Variants in FYTTD1 observed in about 807,000 individuals in gnomAD.
FYTTD1 encodes UAP56-interacting factor.
A neutral mutation model predicts 40.9 loss-of-function variants in FYTTD1; 22 were observed. The observed-to-expected ratio is 0.54, with a 90% CI of 0.38 to 0.77. The LOEUF (loss-of-function observed/expected upper bound fraction) is 0.77. Among genes scored for constraint, FYTTD1 ranks in the 30% least tolerant of loss-of-function variants. FYTTD1 has a pLI of 0.00. For synonymous variants in FYTTD1, 140 were observed against 137.9 expected (o/e 1.01, Z -0.10); for missense variants, 351 against 392.2 (o/e 0.90, Z 0.89).
chr3:197,771,508 G>A (rs1273514377), intron 4 of FYTTD1, among the ~76,000 whole-genome samples: 1 of 152,110 alleles, frequency 6.6e-6, no homozygotes, highest in South Asian at 2.1e-4. Context: ...CGGGTGCGGT[G>A]GCTCACGCCT....
upstream of FYTTD1, chr3:197,749,563 T>A (rs1728915657): frequency 7.7e-7 from 1 of 1,291,706 alleles, no homozygotes; most frequent in East Asian, 5.5e-5. Flanking sequence ...GAAAGGCTCG[T>A]GTGTACCGAA....
chr3:197,768,316 AAACAT>A (rs1261914089), intron 2 of FYTTD1, 118 bp from the exon 3 acceptor site: 2 of 666,372 alleles, frequency 3.0e-6, no homozygotes, highest in Non-Finnish European at 4.6e-6. Flanking sequence ...GTAATTTAAA[AAACAT>A]AAATAATAAC....
intron 1 of FYTTD1, among the ~76,000 whole-genome samples, chr3:197,751,073 T>C (rs555410989): frequency 1.3e-5 from 2 of 152,218 alleles, no homozygotes; most frequent in Admixed American, 1.3e-4. Context: ...AGTACCTGAC[T>C]AGTGGATTCC....
intron 2 of FYTTD1, among the ~76,000 whole-genome samples, chr3:197,764,952 C>T (rs774497640): frequency 4.6e-5 from 7 of 151,242 alleles, no homozygotes; most frequent in East Asian, 2.0e-4. Flanking sequence ...CCAGGTCAAG[C>T]GATTCTCATG....
At chr3:197,750,443 A>G in intron 1 of FYTTD1, 2 of 1,001,572 alleles carry the variant, frequency 2.0e-6, no homozygotes, top group South Asian at 4.7e-5. Context: ...GTTTCCCCGG[A>G]GCGCGTTCGC....
Position 197,771,771 on chromosome 3 carries a change from C to T in FYTTD1, c.497+1527C>T, listed in dbSNP as rs1268547923. ...CAGCCTGGGCGACAGAGCGAGACTCCGTCTCAAAAAAAAAAAAAAAAAAAA... is the reference window on the plus strand; with the variant it reads ...CAGCCTGGGCGACAGAGCGAGACTCTGTCTCAAAAAAAAAAAAAAAAAAAA... On this transcript the variant is annotated intron_variant, in intron 4 of 8. Transcript: ENST00000241502. Among the ~76,000 whole-genome samples, 8 of 60,966 alleles carry T rather than the reference C, an allele frequency of 1.3e-4. No homozygotes were observed. In the East Asian group the frequency reaches 1.7e-3, roughly 13 times the overall value. The allele number at this position is 60,966 out of a possible 152,430, so 40.0% of individuals were successfully genotyped here. A position where few individuals can be genotyped will look rare whatever the true frequency, so the allele number is the denominator to read the frequency against.
At chr3:197,770,409 G>A (rs1729683667) in intron 4 of FYTTD1, among the ~76,000 whole-genome samples, 165 bp downstream of exon 4, 1 of 152,206 alleles carries the variant, frequency 6.6e-6, no homozygotes, top group Non-Finnish European at 1.5e-5. Flanking sequence ...TCCAGTAATA[G>A]CTTGTTTATT....
intron 2 of FYTTD1, among the ~76,000 whole-genome samples, chr3:197,760,440 G>A (rs780338551): frequency 7.2e-5 from 11 of 151,916 alleles, no homozygotes; most frequent in African/African-American, 2.7e-4. Flanking sequence ...GGGGTAGAAT[G>A]TATGAGTTCT....
At chr3:197,758,800 G>C (rs1389971203) in intron 2 of FYTTD1, among the ~76,000 whole-genome samples, 5 of 152,218 alleles carry the variant, frequency 3.3e-5, no homozygotes, top group Admixed American at 3.3e-4. Flanking sequence ...AAAAAGTTCA[G>C]ATTTCCACGT....
intron 8 of FYTTD1, among the ~76,000 whole-genome samples, chr3:197,779,794 A>AACACCACCACACCTGGGTATGCAGGCAC (rs1560501698): frequency 4.0e-4 from 50 of 124,934 alleles, no homozygotes; most frequent in Non-Finnish European, 7.3e-4. Flanking sequence ...GATACAGGCA[A>AACACCACCACACCTGGGTATGCAGGCAC]ACACCACCAC....
chr3:197,756,514 GCAATTC>G lies in FYTTD1; in HGVS notation c.193_198del (p.Gln65_Phe66del). 2 of 1,613,642 alleles carry G rather than the reference GCAATTC, an allele frequency of 1.2e-6. No homozygotes were observed. Among genetic ancestry groups the G allele is most frequent in the Non-Finnish European group, 1.7e-6 (2 of 1,179,546 alleles). Reference sequence around the variant, plus strand: ...GACTCCTCCAGCAAAGTGGTGCCCAGCAATTCAGGATGAGAGTGCGATGGGGAATCC... The same window carrying G: ...GACTCCTCCAGCAAAGTGGTGCCCAGAGGATGAGAGTGCGATGGGGAATCC... On this transcript the variant is annotated inframe_deletion, in exon 2 of 9. Coordinates refer to ENST00000241502, the MANE Select transcript of FYTTD1 (RefSeq NM_032288.7).
At chr3:197,750,383 A>G in intron 1 of FYTTD1, 2 of 1,091,480 alleles carry the variant, frequency 1.8e-6, no homozygotes, top group Non-Finnish European at 2.2e-6. Flanking sequence ...TTCTCCCCGG[A>G]GGGGCTACGG....
intron 2 of FYTTD1, among the ~76,000 whole-genome samples, chr3:197,759,822 C>T (rs1729321401): frequency 6.6e-6 from 1 of 151,054 alleles, no homozygotes; most frequent in Admixed American, 6.6e-5. Context: ...TAGAGTTGTT[C>T]TTCAGTGGTA....
intron 8 of FYTTD1, among the ~76,000 whole-genome samples, chr3:197,781,089 G>A (rs1215640897): frequency 6.6e-6 from 1 of 151,784 alleles, no homozygotes; most frequent in Non-Finnish European, 1.5e-5. Context: ...CGACACAGGT[G>A]GATCACTTGG....
chr3:197,749,720 C>A (rs897627125), upstream of FYTTD1: 1 of 623,096 alleles, frequency 1.6e-6, no homozygotes, highest in African/African-American at 1.8e-5. Flanking sequence ...TCCTCGCGAG[C>A]GCCTAGCACA....
intron 2 of FYTTD1, among the ~76,000 whole-genome samples, chr3:197,762,736 G>T (rs1163721283): frequency 6.6e-6 from 1 of 151,886 alleles, no homozygotes; most frequent in Non-Finnish European, 1.5e-5. Flanking sequence ...CAAAAAATTA[G>T]CTGGGCGTGG....
rs375111528 is a variant in FYTTD1 at position 197,786,096 on chromosome 3, CTTTTTCTTTTTTTT to C, written c.*4202_*4215del. The stretch of plus-strand genomic sequence containing the variant: ...CTCACCACAGTTTATTTTCTTTTTT[CTTTTTCTTTTTTTT>C]TTTTTCTTTTTTTTCTTTTTTTGAG... On this transcript the variant is annotated 3_prime_UTR_variant, in exon 9 of 9. Coordinates refer to ENST00000241502, the MANE Select transcript of FYTTD1 (RefSeq NM_032288.7). 3,485 of 146,746 alleles carry C rather than the reference CTTTTTCTTTTTTTT, an allele frequency of 0.024. 72 individuals carry two copies. Among genetic ancestry groups the C allele is most frequent in the Non-Finnish European group, 0.037 (2,458 of 66,440 alleles). 9.1% of individuals were successfully genotyped at this position (146,746 alleles called of 1,614,324 possible).
chr3:197,768,437 A>C lies in FYTTD1; in HGVS notation c.236-2A>C. On this transcript the variant is annotated splice_acceptor_variant, in intron 2 of 8. Coordinates refer to ENST00000241502, the MANE Select transcript of FYTTD1 (RefSeq NM_032288.7). LOFTEE classifies it high-confidence loss of function. ...TTTTCTTCTGTTTTTGCCCTCCTAT[A>C]GGTTTTGGTAAGACTAGTCTGAATC... 2 of 1,597,632 alleles carry C rather than the reference A, an allele frequency of 1.3e-6. No individual in the cohort carries two copies. The highest frequency in any genetic ancestry group is 1.7e-6 in the Non-Finnish European group (2 of 1,170,136).
intron 1 of FYTTD1, chr3:197,750,493 A>G: frequency 1.0e-6 from 1 of 987,854 alleles, no homozygotes; most frequent in Non-Finnish European, 1.2e-6. Flanking sequence ...GGTCCGACCG[A>G]GCCGTTCTCT....
Sources: allele counts gnomAD v4.1 joint callset (sites outside exome capture counted in the v4.1 genomes callset), GRCh38; gene constraint gnomAD v4.1.1; transcripts MANE v1.5; gene names NCBI Gene and HGNC (gene_info 2026-07-23, HGNC 2026-07-21).